Variants in SNX18 observed in about 807,000 individuals in gnomAD.
SNX18 encodes sorting nexin-18.
A neutral mutation model predicts 48.7 loss-of-function variants in SNX18; 35 were observed. The ratio of observed to expected loss-of-function variants is 0.72; its 90% confidence interval spans 0.55 to 0.95. The LOEUF is 0.95. Ranked by LOEUF, SNX18 falls within the 40% of genes least tolerant of loss-of-function variation. SNX18 has a pLI of 0.00. For synonymous variants in SNX18, 492 were observed against 384.7 expected (o/e 1.28, Z -3.26); for missense variants, 824 against 871.0 (o/e 0.95, Z 0.68).
chr5:54,524,897 G>A (rs1762100451), intron 1 of SNX18, among the ~76,000 whole-genome samples: 1 of 152,376 alleles, frequency 6.6e-6, no homozygotes, highest in East Asian at 1.9e-4. Flanking sequence ...AGGATTCTGA[G>A]AGCCTGGTGG....
chr5:54,591,619 T>C, the SNX18 span, among the ~76,000 whole-genome samples: 3 of 152,258 alleles, frequency 2.0e-5, no homozygotes, highest in African/African-American at 7.2e-5. Flanking sequence ...ACTACTGTGG[T>C]AGATGTCACT....
At chr5:54,585,959 C>T in the SNX18 span, among the ~76,000 whole-genome samples, 5 of 149,678 alleles carry the variant, frequency 3.3e-5, no homozygotes, top group African/African-American at 9.9e-5. Context: ...GAGCTGAGAT[C>T]GTGCCACTGC....
the SNX18 span, among the ~76,000 whole-genome samples, chr5:54,587,245 G>A: frequency 6.6e-6 from 1 of 152,102 alleles, no homozygotes; most frequent in South Asian, 2.1e-4. Context: ...AAAAAAAGAA[G>A]GGAATTGTCC....
chr5:54,570,544 C>T, the SNX18 span, among the ~76,000 whole-genome samples: 1 of 152,146 alleles, frequency 6.6e-6, no homozygotes, highest in Non-Finnish European at 1.5e-5. Context: ...AGACACGTAA[C>T]CCAATAATTA....
the SNX18 span, among the ~76,000 whole-genome samples, chr5:54,605,361 CT>C: frequency 0.053 from 8,009 of 151,792 alleles, 289 homozygotes; most frequent in Non-Finnish European, 0.082. Flanking sequence ...GGGGTTTAGA[CT>C]TTTTTTTAAA....
downstream of SNX18, among the ~76,000 whole-genome samples, chr5:54,550,616 G>T (rs1277145915): frequency 6.6e-6 from 1 of 152,096 alleles, no homozygotes; most frequent in Non-Finnish European, 1.5e-5. Context: ...TGGAGTCTTG[G>T]TCTGTCGCCC....
chr5:54,613,007 C>T, the SNX18 span, among the ~76,000 whole-genome samples: 1 of 152,364 alleles, frequency 6.6e-6, no homozygotes, highest in East Asian at 1.9e-4. Context: ...GTTAAACATT[C>T]CTGGCCTTGC....
the SNX18 span, among the ~76,000 whole-genome samples, chr5:54,630,886 G>A: frequency 6.6e-6 from 1 of 150,958 alleles, no homozygotes; most frequent in African/African-American, 2.4e-5. Flanking sequence ...CCAACATCTG[G>A]TGCAGGATGC....
At position 54,519,411 on chromosome 5, in the gene SNX18, G is replaced by T. The variant is rs1761964789; in HGVS notation, c.1459G>T (p.Val487Leu). The T allele has an allele frequency of 1.2e-6, 2 of 1,613,612 alleles. No homozygotes were observed. The highest frequency in any genetic ancestry group is 2.2e-5 in the South Asian group (2 of 91,082). Residue 487 changes from valine to leucine, a missense_variant, in exon 1 of 2, where the codon GTG becomes TTG. Val to Leu is a conservative substitution (Grantham distance 32, BLOSUM62 1). Transcript: ENST00000381410. The part of the protein sequence containing the change: ...AFELDQQAFS[V>L]GLNQAIAFTG... ...TGAGCTGGACCAGCAGGCCTTCTCG[G>T]TGGGCCTGAACCAGGCTATCGCCTT...
At chr5:54,646,678 G>T in the SNX18 span, among the ~76,000 whole-genome samples, 1 of 152,158 alleles carries the variant, frequency 6.6e-6, no homozygotes, top group Non-Finnish European at 1.5e-5. Context: ...CCAAATCTTG[G>T]TTGCCTGCCA....
At chr5:54,602,260 G>A in the SNX18 span, among the ~76,000 whole-genome samples, 2 of 152,142 alleles carry the variant, frequency 1.3e-5, no homozygotes, top group African/African-American at 2.4e-5. Context: ...CACACAGGCC[G>A]CATAATATGG....
chr5:54,624,750 C>G, the SNX18 span, among the ~76,000 whole-genome samples: 2 of 152,120 alleles, frequency 1.3e-5, no homozygotes, highest in South Asian at 4.1e-4. Flanking sequence ...TATGTCAAAG[C>G]TAATATAATG....
At chr5:54,546,994 C>G (rs182829284), downstream of SNX18, among the ~76,000 whole-genome samples, 10 of 152,350 alleles carry the variant, frequency 6.6e-5, no homozygotes, top group East Asian at 1.9e-3. Context: ...GCATATCTTG[C>G]AAGGGGCCAA....
At chr5:54,632,377 T>C in the SNX18 span, among the ~76,000 whole-genome samples, 2 of 152,212 alleles carry the variant, frequency 1.3e-5, no homozygotes, top group Admixed American at 6.5e-5. Flanking sequence ...TCTGGAGTTT[T>C]GACTGCCCAC....
intron 1 of SNX18, among the ~76,000 whole-genome samples, chr5:54,529,860 T>C (rs1350676838): frequency 1.3e-5 from 2 of 152,216 alleles, no homozygotes; most frequent in Non-Finnish European, 2.9e-5. Context: ...AAAAATATTT[T>C]TCAGCATTAA....
At chr5:54,588,388 C>T in the SNX18 span, among the ~76,000 whole-genome samples, 1 of 126,496 alleles carries the variant, frequency 7.9e-6, no homozygotes, top group Middle Eastern at 6.5e-3. Flanking sequence ...AGTGCAGTGG[C>T]GTGATCTCAG....
intron 1 of SNX18, among the ~76,000 whole-genome samples, chr5:54,529,194 G>A (rs950905696): frequency 2.6e-5 from 4 of 152,252 alleles, no homozygotes; most frequent in African/African-American, 4.8e-5. Flanking sequence ...TGTCCGTGGC[G>A]GTGGGAGGAG....
chr5:54,645,802 T>G, the SNX18 span: 1 of 152,250 alleles, frequency 6.6e-6, no homozygotes, highest in Non-Finnish European at 1.5e-5. Flanking sequence ...ACTAGTATCT[T>G]CTTAATTTTG....
the SNX18 span, among the ~76,000 whole-genome samples, chr5:54,618,858 G>A: frequency 8.6e-5 from 13 of 152,022 alleles, no homozygotes; most frequent in Non-Finnish European, 1.6e-4. Flanking sequence ...ATACATCTCC[G>A]TAGTTAATAA....
Sources: gnomAD v4.1 joint callset for allele counts (sites outside exome capture counted in the v4.1 genomes callset) on GRCh38, gnomAD v4.1.1 for gene constraint, MANE v1.5 for transcripts, NCBI Gene and HGNC (gene_info 2026-07-23, HGNC 2026-07-21) for gene names.